PON2: variants seen among roughly 807,000 people sequenced by gnomAD.
The protein encoded by PON2 is serum paraoxonase/arylesterase 2.
Under a neutral mutation model 36.6 loss-of-function variants are expected in PON2, and 27 were observed. That is an observed-to-expected ratio of 0.74 (90% CI 0.54 to 1.02). The LOEUF is 1.02. Ranked by LOEUF, PON2 falls within the 50% of genes least tolerant of loss-of-function variation. The pLI, the probability that PON2 is intolerant of heterozygous loss-of-function variation, is 0.00. For synonymous variants in PON2, 149 were observed against 156.3 expected (o/e 0.95, Z 0.35); for missense variants, 363 against 421.1 (o/e 0.86, Z 1.21).
At chr7:95,432,967 G>A (rs776422426) in intron 1 of PON2, among the ~76,000 whole-genome samples, 9 of 152,140 alleles carry the variant, frequency 5.9e-5, no homozygotes, top group East Asian at 1.9e-4. Flanking sequence ...CTGACCTACT[G>A]CAATACCTTA....
At chr7:95,415,671 C>T (rs1008781680) in intron 3 of PON2, among the ~76,000 whole-genome samples, 4 of 152,120 alleles carry the variant, frequency 2.6e-5, no homozygotes, top group African/African-American at 4.8e-5. Flanking sequence ...ACACAGATTG[C>T]GCTGGGCGTG....
chr7:95,405,792 A>AT (rs112127776), intron 8 of PON2, among the ~76,000 whole-genome samples: 55 of 152,324 alleles, frequency 3.6e-4, no homozygotes, highest in African/African-American at 1.3e-3. Flanking sequence ...ACATGAACAA[A>AT]TATCACATCA....
At chr7:95,430,953 A>G (rs1789427175) in intron 1 of PON2, among the ~76,000 whole-genome samples, 1 of 151,126 alleles carries the variant, frequency 6.6e-6, no homozygotes. Context: ...AACAGACCAC[A>G]TAGCTTCTTG....
chr7:95,406,665 A>T (rs17876164), intron 7 of PON2, among the ~76,000 whole-genome samples: 1,614 of 152,350 alleles, frequency 0.011, 28 homozygotes, highest in African/African-American at 0.036. Flanking sequence ...GACACTGTGC[A>T]TAAACCTTCA....
At chr7:95,408,412 C>G (rs1562784590) in intron 6 of PON2, among the ~76,000 whole-genome samples, 1 of 152,156 alleles carries the variant, frequency 6.6e-6, no homozygotes, top group Non-Finnish European at 1.5e-5. Flanking sequence ...CAGGTAGAAC[C>G]AACAGGACCT....
In PON2 at chr7:95,415,002, A is replaced by G. The variant is rs978848457; in HGVS notation, c.201+1240T>C. On this transcript the variant is annotated intron_variant, in intron 3 of 8. Coordinates refer to ENST00000222572, the MANE Select transcript of PON2 (RefSeq NM_000305.3). ...GTGTTCTAATTCTCATTCTACTCCA[A>G]CCTGAGTTCTCTCACCTTTCTCATA... 3 of 152,104 alleles carry G rather than the reference A, an allele frequency of 2.0e-5. No individual in the cohort carries two copies. The South Asian group carries it at 6.2e-4, about 32-fold the overall frequency. The allele number at this position is 152,104 out of a possible 1,614,324, so 9.4% of individuals were successfully genotyped here. A position where few individuals can be genotyped will look rare whatever the true frequency, so the allele number is the denominator to read the frequency against.
intron 2 of PON2, among the ~76,000 whole-genome samples, chr7:95,418,606 C>T (rs1789123998): frequency 6.6e-6 from 1 of 152,164 alleles, no homozygotes; most frequent in African/African-American, 2.4e-5. Flanking sequence ...TCTTTAAAAC[C>T]TCTTTCAAAA....
intron 4 of PON2, 118 bp downstream of exon 4, chr7:95,412,194 G>T: frequency 7.4e-7 from 1 of 1,344,840 alleles, no homozygotes. Context: ...GAAGAATACA[G>T]AAATCACTCA....
intron 7 of PON2, among the ~76,000 whole-genome samples, chr7:95,406,614 G>A (rs534157936): frequency 6.2e-4 from 95 of 152,288 alleles, no homozygotes; most frequent in African/African-American, 1.9e-3. Context: ...TAATAATGGT[G>A]TGGAACCCAA....
chr7:95,424,131 T>C lies in PON2; in HGVS notation c.145+384A>G, dbSNP rs1789258622. The C allele has an allele frequency of 1.1e-5, 3 of 273,088 alleles. No homozygotes were observed. The South Asian group carries it at 1.3e-4, about 12-fold the overall frequency. The allele number at this position is 273,088 out of a possible 1,614,324, so 16.9% of individuals were successfully genotyped here. On this transcript the variant is annotated intron_variant, in intron 2 of 8. Transcript: ENST00000222572. Reference sequence around the variant, plus strand: ...AGATCAGATCCTAGTTATAGAGTAGTGAGCAGGGTAAATGCTGTCACTGCC... The same window carrying C: ...AGATCAGATCCTAGTTATAGAGTAGCGAGCAGGGTAAATGCTGTCACTGCC...
chr7:95,411,871 G>A, intron 4 of PON2, 92 bp from the exon 5 acceptor site: 1 of 1,360,126 alleles, frequency 7.4e-7, no homozygotes, highest in Non-Finnish European at 1.0e-6. Context: ...GGCAAGGAAA[G>A]GTTGAATGTA....
In PON2 at chr7:95,406,174, T is replaced by G; in HGVS notation, c.851A>C (p.His284Pro). The change falls in exon 8 of 9, where the codon CAT (histidine) becomes CCT (proline). Residue 284 changes from histidine to proline, a missense_variant. By Grantham distance (77) the His-to-Pro change is moderately conservative. Coordinates refer to ENST00000222572, the MANE Select transcript of PON2 (RefSeq NM_000305.3). ...CACGAAGAGCTTCTGGCCATTAGGA[T>G]GACAGCCTACCCAGATGTCCCCCGA... Reference protein sequence around the residue: ...PSSGDIWVGCHPNGQKLFVYD... With the variant: ...PSSGDIWVGCPPNGQKLFVYD... 1 of 1,613,634 alleles carries G rather than the reference T, an allele frequency of 6.2e-7. No individual in the cohort carries two copies. Among genetic ancestry groups the G allele is most frequent in the Non-Finnish European group, 8.5e-7 (1 of 1,179,556 alleles).
intron 8 of PON2, 117 bp downstream of exon 8, chr7:95,406,002 A>G: frequency 8.2e-7 from 1 of 1,218,814 alleles, no homozygotes; most frequent in Non-Finnish European, 1.2e-6. Flanking sequence ...CCACGACATA[A>G]GCTTATTATA....
intron 2 of PON2, 96 bp from the exon 3 acceptor site, chr7:95,416,393 G>C: frequency 7.5e-7 from 1 of 1,339,622 alleles, no homozygotes; most frequent in Non-Finnish European, 1.1e-6. Context: ...CAGAGTGACT[G>C]TATCTTTAGG....
Position 95,404,874 on chromosome 7 carries a change from T to C in PON2, c.*456A>G, listed in dbSNP as rs1225582284. 6.2e-6 allele frequency: 1 copy of C among 162,156 alleles called. No individual in the cohort carries two copies. The highest frequency in any genetic ancestry group is 1.4e-5 in the Non-Finnish European group (1 of 73,216). 10.0% of individuals were successfully genotyped at this position (162,156 alleles called of 1,614,324 possible). A position where few individuals can be genotyped will look rare whatever the true frequency, so the allele number is the denominator to read the frequency against. ...ACACAGACAAAACTGGGATTTTAGT[T>C]AGTCTTTAATATAACTCCAACTTTT... On this transcript the variant is annotated 3_prime_UTR_variant, in exon 9 of 9. Transcript: ENST00000222572.
chr7:95,417,113 C>G (rs796863009), intron 2 of PON2, among the ~76,000 whole-genome samples: 91 of 152,296 alleles, frequency 6.0e-4, no homozygotes, highest in African/African-American at 2.1e-3. Flanking sequence ...ATGACACATT[C>G]TTTGAGTCTA....
chr7:95,415,504 TATA>T (rs1244001357), intron 3 of PON2, among the ~76,000 whole-genome samples: 1 of 152,226 alleles, frequency 6.6e-6, no homozygotes, highest in Non-Finnish European at 1.5e-5. Context: ...GCAAGGTTGG[TATA>T]ATATTTGAAA....
intron 2 of PON2, among the ~76,000 whole-genome samples, chr7:95,422,236 TGAA>T (rs1172781437): frequency 1.3e-5 from 2 of 152,172 alleles, no homozygotes; most frequent in African/African-American, 4.8e-5. Context: ...GTTTTAGGAA[TGAA>T]GAAGGTTGTG....
chr7:95,434,227 T>C (rs1435004245), intron 1 of PON2: 2 of 152,104 alleles, frequency 1.3e-5, no homozygotes, highest in African/African-American at 4.8e-5. Flanking sequence ...AAACGTTGAG[T>C]TGGTAATTTA....
Sources: allele counts gnomAD v4.1 joint callset (sites outside exome capture counted in the v4.1 genomes callset), GRCh38; gene constraint gnomAD v4.1.1; transcripts MANE v1.5; gene names NCBI Gene and HGNC (gene_info 2026-07-23, HGNC 2026-07-21).